HDAC9: variants seen among roughly 807,000 people sequenced by gnomAD.
HDAC9 encodes the protein MEF-2 interacting transcription repressor (MITR) protein.
A neutral mutation model predicts 139.4 loss-of-function variants in HDAC9; 41 were observed. The ratio of observed to expected loss-of-function variants is 0.29; its 90% CI spans 0.23 to 0.38. The LOEUF (loss-of-function observed/expected upper bound fraction) is 0.38. Ranked by LOEUF, HDAC9 falls within the 10% of genes least tolerant of loss-of-function variation. The pLI is 1.00. For missense variants in HDAC9, 1,147 were observed against 1,297.0 expected (o/e 0.88, Z 1.78); for synonymous variants, 517 against 476.2 (o/e 1.09, Z -1.12).
rs138434223 is a variant in HDAC9 at position 18,733,047 on chromosome 7, A to G, written c.1909+5290A>G. 5.2e-3 allele frequency among the ~76,000 whole-genome samples: 763 copies of G among 145,438 alleles called. 6 individuals carry two copies. The highest frequency in any genetic ancestry group is 5.6e-3 in the Non-Finnish European group (365 of 65,190). On this transcript the variant is annotated intron_variant, in intron 13 of 25. Transcript: ENST00000686413. ...TATATGTATATATACAGATATACAT[A>G]TATACATGTGTATATACGTATATAC... is the stretch of plus-strand genomic sequence containing the variant.
intron 1 of HDAC9, among the ~76,000 whole-genome samples, chr7:18,472,093 G>T (rs1563021901): frequency 6.6e-6 from 1 of 152,288 alleles, no homozygotes; most frequent in African/African-American, 2.4e-5. Flanking sequence ...TAAACCTGAA[G>T]ATTTGATTTG....
chr7:18,916,628 A>G (rs1187243171), intron 22 of HDAC9, among the ~76,000 whole-genome samples: 1 of 152,034 alleles, frequency 6.6e-6, no homozygotes, highest in Non-Finnish European at 1.5e-5. Context: ...TATAGAAGCT[A>G]TTGAGCTTCA....
At chr7:18,968,451 C>CAG (rs1784027032) in intron 24 of HDAC9, among the ~76,000 whole-genome samples, 4 of 151,930 alleles carry the variant, frequency 2.6e-5, no homozygotes, top group African/African-American at 7.2e-5. Flanking sequence ...ATATATGATA[C>CAG]AGAGAGAGAG....
chr7:18,271,017 A>G (rs1796319792), intron 2 of HDAC9, among the ~76,000 whole-genome samples: 1 of 152,218 alleles, frequency 6.6e-6, no homozygotes, highest in African/African-American at 2.4e-5. Flanking sequence ...AAAAATGCTC[A>G]GGGTATTTAG....
rs146239100 is a variant in HDAC9, at chr7:18,317,210, A to T, written c.-42+26695A>T. Among the ~76,000 whole-genome samples, 1,318 of 151,610 alleles carry T rather than the reference A, an allele frequency of 8.7e-3. 8 individuals carry two copies. The highest frequency in any genetic ancestry group is 0.012 in the Non-Finnish European group (843 of 67,866). ...AGACTCTGTCTCAAAATAAATAAAT[A>T]AATTAATTAAATTAAAATAAAAATT... On this transcript the variant is annotated intron_variant, in intron 1 of 3. Transcript: ENST00000413509.
chr7:18,089,700 T>A (rs1464027002), intron 1 of HDAC9, among the ~76,000 whole-genome samples: 2 of 152,192 alleles, frequency 1.3e-5, no homozygotes, highest in Non-Finnish European at 2.9e-5. Context: ...TACAACATAT[T>A]ACATTATAAT....
At chr7:18,904,737 G>A (rs1802060377) in intron 22 of HDAC9, among the ~76,000 whole-genome samples, 3 of 151,584 alleles carry the variant, frequency 2.0e-5, no homozygotes, top group South Asian at 2.1e-4. Flanking sequence ...CACCACGCCC[G>A]GCTAATTTTT....
intron 2 of HDAC9, among the ~76,000 whole-genome samples, chr7:18,509,719 A>G (rs1586487329): frequency 6.6e-6 from 1 of 152,102 alleles, no homozygotes; most frequent in Admixed American, 6.6e-5. Flanking sequence ...TCACCTCTGT[A>G]ATATTAATAC....
chr7:18,546,025 T>C (rs1325082425), intron 2 of HDAC9, among the ~76,000 whole-genome samples: 1 of 152,230 alleles, frequency 6.6e-6, no homozygotes, highest in Non-Finnish European at 1.5e-5. Flanking sequence ...ACTTATATTA[T>C]GCATATTGAC....
intron 6 of HDAC9, among the ~76,000 whole-genome samples, chr7:18,611,462 A>G (rs1159940483): frequency 1.3e-5 from 2 of 152,122 alleles, no homozygotes; most frequent in African/African-American, 4.8e-5. Flanking sequence ...CTATGCAATA[A>G]TCCTAGAAAT....
chr7:18,560,524 T>TGGGTAAA (rs1293697455), intron 2 of HDAC9, among the ~76,000 whole-genome samples: 1 of 152,108 alleles, frequency 6.6e-6, no homozygotes, highest in Non-Finnish European at 1.5e-5. Flanking sequence ...AAAACCTTGT[T>TGGGTAAA]GTGTAAAGTG....
intron 2 of HDAC9, among the ~76,000 whole-genome samples, chr7:18,500,430 A>G (rs1303610244): frequency 6.6e-6 from 1 of 152,142 alleles, no homozygotes; most frequent in East Asian, 1.9e-4. Flanking sequence ...AACCTAATGC[A>G]ACATACCTCA....
chr7:18,361,179 A>G (rs1056928557), intron 1 of HDAC9, among the ~76,000 whole-genome samples: 2 of 152,146 alleles, frequency 1.3e-5, no homozygotes, highest in African/African-American at 2.4e-5. Flanking sequence ...ATACTAAGAT[A>G]TTGAAAGTTG....
At chr7:18,727,471 G>A (rs1785641308) in intron 12 of HDAC9, 109 bp from the exon 13 acceptor site, 3 of 856,534 alleles carry the variant, frequency 3.5e-6, no homozygotes, top group Admixed American at 3.5e-5. Flanking sequence ...CCTTCACACC[G>A]TTTATTATGT....
At chr7:18,538,930 G>C (rs1005740150) in intron 2 of HDAC9, among the ~76,000 whole-genome samples, 1 of 152,118 alleles carries the variant, frequency 6.6e-6, no homozygotes, top group Non-Finnish European at 1.5e-5. Flanking sequence ...GCTTTTTACT[G>C]TGTGATGCAG....
In HDAC9 at chr7:18,909,571, G is replaced by T. The variant is rs1343216044; in HGVS notation, c.2804-26238G>T. Among the ~76,000 whole-genome samples, 5 of 151,914 alleles carry T rather than the reference G, an allele frequency of 3.3e-5. No homozygotes were observed. In the East Asian group the frequency reaches 9.6e-4, roughly 29 times the overall value. The stretch of plus-strand genomic sequence containing the variant: ...CCATTTTAAGTTGAATTTTGTATAT[G>T]GTGAGAGATGGGAGTCTAGTTTCAT... On this transcript the variant is annotated intron_variant, in intron 22 of 25. Coordinates refer to ENST00000686413, the MANE Select transcript of HDAC9 (RefSeq NM_178425.4).
At chr7:18,948,601 T>G (rs938796847) in intron 23 of HDAC9, among the ~76,000 whole-genome samples, 3 of 152,138 alleles carry the variant, frequency 2.0e-5, no homozygotes, top group Non-Finnish European at 4.4e-5. Flanking sequence ...ATTTTAATAA[T>G]GAGTTTATTT....
chr7:18,567,769 C>G (rs1442716790), intron 2 of HDAC9, among the ~76,000 whole-genome samples: 1 of 151,970 alleles, frequency 6.6e-6, no homozygotes, highest in African/African-American at 2.4e-5. Context: ...GACTACAGAT[C>G]TATTACTAGG....
chr7:18,829,082 T>G (rs1795670823), intron 17 of HDAC9, 79 bp from the exon 18 acceptor site: 1 of 965,076 alleles, frequency 1.0e-6, no homozygotes, highest in Admixed American at 1.7e-5. Context: ...GAGGCACTGT[T>G]GTGCCTGGAG....
Sources: allele counts gnomAD v4.1 joint callset (sites outside exome capture counted in the v4.1 genomes callset), GRCh38; gene constraint gnomAD v4.1.1; transcripts MANE v1.5; gene names NCBI Gene and HGNC (gene_info 2026-07-23, HGNC 2026-07-21).